Variants in SARDH observed in about 807,000 individuals in gnomAD.
The protein encoded by SARDH is sarcosine dehydrogenase, mitochondrial.
SARDH carries 95 observed loss-of-function variants against 109.1 expected under a neutral mutation model. That is an observed-to-expected ratio of 0.87 (90% confidence interval 0.74 to 1.03). SARDH has a LOEUF of 1.03. SARDH is among the 50% of genes least tolerant of loss of function. The probability of loss-of-function intolerance (pLI) is 0.00; values close to 1 mark genes in which losing one functional copy is unlikely to be tolerated. For missense variants in SARDH, 1,267 were observed against 1,287.8 expected (o/e 0.98, Z 0.25); for synonymous variants, 572 against 534.8 (o/e 1.07, Z -0.96).
chr9:133,719,068 G>A (rs1299416851), intron 6 of SARDH, 26 bp from the exon 7 acceptor site: 33 of 1,599,806 alleles, frequency 2.1e-5, no homozygotes, highest in Non-Finnish European at 1.8e-5. Context: ...AGAGGCCTTG[G>A]CATCATCCAG....
chr9:133,666,979 G>T lies in SARDH; in HGVS notation c.2496-109C>A. On this transcript the variant is annotated intron_variant, in intron 19 of 20. Coordinates refer to ENST00000439388, the MANE Select transcript of SARDH (RefSeq NM_001134707.2). This position sits in a 1 kb window ranked among gnomAD's most constrained non-coding sequence, Gnocchi z 5.2. The stretch of plus-strand genomic sequence containing the variant: ...GCTGCATGATGCACACCCAACCGTG[G>T]CTCCAGGCAGATAGGGCTGGCCTAC... 1.4e-6 allele frequency: 2 copies of T among 1,459,458 alleles called. No homozygotes were observed. The highest frequency in any genetic ancestry group is 1.9e-6 in the Non-Finnish European group (2 of 1,067,440). The allele number at this position is 1,459,458 out of a possible 1,614,324, so 90.4% of individuals were successfully genotyped here. A position where few individuals can be genotyped will look rare whatever the true frequency, so the allele number is the denominator to read the frequency against.
At chr9:133,734,551 A>G (rs192154704) in intron 1 of SARDH, among the ~76,000 whole-genome samples, 1 of 152,192 alleles carries the variant, frequency 6.6e-6, no homozygotes, top group Non-Finnish European at 1.5e-5. Flanking sequence ...CTTGGTGAGG[A>G]TAGGTCTCTG....
At chr9:133,702,696 G>A (rs1321411545) in intron 13 of SARDH, among the ~76,000 whole-genome samples, 1 of 152,182 alleles carries the variant, frequency 6.6e-6, no homozygotes, top group Non-Finnish European at 1.5e-5. Context: ...TTCCGCTCAG[G>A]CCTGGCTGCT....
At chr9:133,722,642 G>GCGCTCTCTCTCTCT in intron 6 of SARDH, among the ~76,000 whole-genome samples, 1 of 145,846 alleles carries the variant, frequency 6.9e-6, no homozygotes, top group South Asian at 2.2e-4. Context: ...AACTACTAGC[G>GCGCTCTCTCTCTCT]CTCTCTCTCT....
rs559677009 is a variant in SARDH at position 133,708,981 on chromosome 9, A to G, written c.1329-553T>C. Among the ~76,000 whole-genome samples, 33 of 152,270 alleles carry G rather than the reference A, an allele frequency of 2.2e-4. No homozygotes were observed. The South Asian group carries it at 6.2e-3, about 29-fold the overall frequency. On this transcript the variant is annotated intron_variant, in intron 10 of 20. Transcript: ENST00000439388. Reference sequence around the variant, plus strand: ...CCGCCTGTCCCATCAGGCCTCCCCAAGTCTGTGATCCCAAAGCTGGGCCTC... The same window carrying G: ...CCGCCTGTCCCATCAGGCCTCCCCAGGTCTGTGATCCCAAAGCTGGGCCTC...
intron 14 of SARDH, among the ~76,000 whole-genome samples, chr9:133,695,300 G>A (rs923810708): frequency 4.6e-5 from 7 of 152,130 alleles, no homozygotes; most frequent in South Asian, 2.1e-4. Flanking sequence ...AAAAATAGTT[G>A]GGCATGGTGG....
Position 133,718,819 on chromosome 9 carries a change from C to T in SARDH, c.1020+119G>A. 1.2e-6 allele frequency: 1 copy of T among 867,606 alleles called. No individual in the cohort carries two copies. The highest frequency in any genetic ancestry group is 2.0e-6 in the Non-Finnish European group (1 of 498,474). 53.7% of individuals were successfully genotyped at this position (867,606 alleles called of 1,614,324 possible). On this transcript the variant is annotated intron_variant, in intron 7 of 20. Coordinates refer to ENST00000439388, the MANE Select transcript of SARDH (RefSeq NM_001134707.2). The surrounding 1 kb of genome is among the most constrained non-coding windows in gnomAD (Gnocchi z 4.2). The stretch of plus-strand genomic sequence containing the variant: ...GAGCTTGGTGGGGTCAGGGGACCGG[C>T]CACTTCTCAGGTGTGCCTCTGAGGA...
chr9:133,716,155 G>T (rs902475144), intron 8 of SARDH, among the ~76,000 whole-genome samples: 6 of 152,200 alleles, frequency 3.9e-5, no homozygotes, highest in Non-Finnish European at 5.9e-5. Flanking sequence ...CTGGCCGCCC[G>T]TCTGTGTCCT....
chr9:133,688,520 C>A (rs754089069), intron 16 of SARDH, among the ~76,000 whole-genome samples: 6 of 152,100 alleles, frequency 3.9e-5, no homozygotes, highest in Non-Finnish European at 7.4e-5. Context: ...GCCCCCTGCC[C>A]GCTGACCCAA....
intron 1 of SARDH, among the ~76,000 whole-genome samples, chr9:133,738,013 G>C (rs531676523): frequency 6.6e-6 from 1 of 152,338 alleles, no homozygotes; most frequent in East Asian, 1.9e-4. Flanking sequence ...GGGTGGTGGG[G>C]GTCAAGCGAG....
At position 133,718,583 on chromosome 9, in the gene SARDH, G is replaced by T. The variant is rs904192637; in HGVS notation, c.1020+355C>A. The T allele has an allele frequency of 1.3e-6, 1 of 755,772 alleles. No individual in the cohort carries two copies. Among genetic ancestry groups the T allele is most frequent in the Non-Finnish European group, 2.4e-6 (1 of 409,350 alleles). The allele number at this position is 755,772 out of a possible 1,614,324, so 46.8% of individuals were successfully genotyped here. ...AGAAGCTGCCCGGGAAACAGCCCAG[G>T]CCAGGGGAAATGCCGCTGCAGCAGC... is the stretch of plus-strand genomic sequence containing the variant. On this transcript the variant is annotated intron_variant, in intron 7 of 20. Coordinates refer to ENST00000439388, the MANE Select transcript of SARDH (RefSeq NM_001134707.2). This position sits in a 1 kb window ranked among gnomAD's most constrained non-coding sequence, Gnocchi z 4.2.
chr9:133,665,923 G>T (rs1830049224), intron 20 of SARDH, among the ~76,000 whole-genome samples: 1 of 152,230 alleles, frequency 6.6e-6, no homozygotes, highest in South Asian at 2.1e-4. Context: ...CCAAACGTCA[G>T]ATCGGCTCCC....
intron 14 of SARDH, among the ~76,000 whole-genome samples, chr9:133,695,066 G>A (rs1831235519): frequency 6.6e-6 from 1 of 152,192 alleles, no homozygotes; most frequent in Admixed American, 6.5e-5. Flanking sequence ...ACCAGGACTG[G>A]GAGTGTGATC....
intron 13 of SARDH, 35 bp from the exon 14 acceptor site, chr9:133,696,396 G>A: frequency 6.2e-7 from 1 of 1,613,346 alleles, no homozygotes; most frequent in African/African-American, 1.3e-5. Flanking sequence ...ATGCCACGGG[G>A]GCCTTTGGGG....
intron 12 of SARDH, 22 bp from the exon 13 acceptor site, chr9:133,703,051 C>T: frequency 1.9e-6 from 3 of 1,594,358 alleles, no homozygotes; most frequent in Non-Finnish European, 2.6e-6. Context: ...AGACGTGGTC[C>T]TCAGCCTGCC....
intron 6 of SARDH, among the ~76,000 whole-genome samples, chr9:133,722,231 T>C (rs773965284): frequency 6.6e-6 from 1 of 152,130 alleles, no homozygotes. Flanking sequence ...ATCAACAAAG[T>C]ACAGGACAAA....
At chr9:133,671,392 G>A (rs1830341800) in intron 18 of SARDH, 143 bp downstream of exon 18, 10 of 1,114,112 alleles carry the variant, frequency 9.0e-6, no homozygotes, top group African/African-American at 1.6e-5. Context: ...TGGGGTGTAG[G>A]GGAGGAAATC....
At chr9:133,671,824 G>T in intron 17 of SARDH, 127 bp from the exon 18 acceptor site, 4 of 1,186,236 alleles carry the variant, frequency 3.4e-6, no homozygotes, top group Non-Finnish European at 3.5e-6. Context: ...GTCCCAGCCA[G>T]ATTGCCATCA....
intron 20 of SARDH, among the ~76,000 whole-genome samples, chr9:133,664,486 G>C (rs1420135079): frequency 6.6e-6 from 1 of 152,172 alleles, no homozygotes; most frequent in East Asian, 1.9e-4. Context: ...GGGCTCCCCA[G>C]CAAGCGCTCG....
Sources: gnomAD v4.1 joint callset for allele counts (sites outside exome capture counted in the v4.1 genomes callset) on GRCh38, gnomAD v4.1.1 for gene constraint, Gnocchi (gnomAD v3.1) non-coding constraint, MANE v1.5 for transcripts, NCBI Gene and HGNC (gene_info 2026-07-23, HGNC 2026-07-21) for gene names.